CAST: variants seen among roughly 807,000 people sequenced by gnomAD.
CAST encodes the protein MIR583 host.
A neutral mutation model predicts 119.6 loss-of-function variants in CAST; 76 were observed. That is an observed-to-expected ratio of 0.64 (90% CI 0.53 to 0.77). CAST has a LOEUF of 0.77. CAST is among the 30% of genes least tolerant of loss of function. CAST has a pLI of 0.00. For synonymous variants in CAST, 319 were observed against 331.6 expected, an observed-to-expected ratio of 0.96 and a Z score of 0.41; for missense variants, 953 against 946.5, an observed-to-expected ratio of 1.01 and a Z score of -0.09.
the CAST span, among the ~76,000 whole-genome samples, chr5:96,121,319 A>T: frequency 1.3e-5 from 2 of 152,146 alleles, no homozygotes; most frequent in African/African-American, 4.8e-5. Flanking sequence ...CAGAATAGGC[A>T]CATAATAAAT....
intron 16 of CAST, 39 bp downstream of exon 16, chr5:96,742,795 T>C (rs1230447589): frequency 7.0e-7 from 1 of 1,421,262 alleles, no homozygotes; most frequent in East Asian, 2.3e-5. Context: ...CTTGTTAGTC[T>C]GCACATTACA....
At chr5:95,979,395 T>A in the CAST span, among the ~76,000 whole-genome samples, 35 of 152,278 alleles carry the variant, frequency 2.3e-4, no homozygotes, top group African/African-American at 8.2e-4. Context: ...CAGTTACACA[T>A]GACATATGCT....
chr5:96,433,468 C>G, the CAST span, among the ~76,000 whole-genome samples: 2 of 152,162 alleles, frequency 1.3e-5, no homozygotes, highest in African/African-American at 2.4e-5. Context: ...AATTCTGTAC[C>G]GTGAGAAACA....
the CAST span, among the ~76,000 whole-genome samples, chr5:96,496,234 A>G: frequency 6.6e-6 from 1 of 152,128 alleles, no homozygotes; most frequent in African/African-American, 2.4e-5. Flanking sequence ...TAATTTTATC[A>G]TATTTTGTTG....
chr5:96,119,664 A>G, the CAST span, among the ~76,000 whole-genome samples: 2 of 152,214 alleles, frequency 1.3e-5, no homozygotes, highest in East Asian at 1.9e-4. Flanking sequence ...TTAAGATGAC[A>G]TATTTGAACC....
At chr5:96,333,518 G>A in the CAST span, among the ~76,000 whole-genome samples, 119 of 152,008 alleles carry the variant, frequency 7.8e-4, 2 homozygotes, top group South Asian at 0.014. Context: ...TGGTCTTCCC[G>A]ACTGAAACCA....
rs1232687636 is a variant in CAST, at chr5:96,767,391, C to A, written c.2131-47C>A. The A allele has an allele frequency of 5.3e-6, 8 of 1,512,848 alleles. No individual in the cohort carries two copies. In the South Asian group the frequency reaches 7.9e-5, roughly 15 times the overall value. The allele number at this position is 1,512,848 out of a possible 1,614,324, so 93.7% of individuals were successfully genotyped here. On this transcript the variant is annotated intron_variant, in intron 27 of 31. Coordinates refer to ENST00000675179, the MANE Select transcript of CAST (RefSeq NM_001750.7). ...TCTCTACTGCCTAAACCTAAGTAAA[C>A]CTTTACAGATATCTATGCTTAACCA...
intron 1 of CAST, among the ~76,000 whole-genome samples, chr5:96,535,030 A>C (rs1745781142): frequency 6.6e-6 from 1 of 152,192 alleles, no homozygotes; most frequent in South Asian, 2.1e-4. Context: ...CAATAATGTA[A>C]ACATTTCATT....
chr5:96,506,416 A>G, the CAST span, among the ~76,000 whole-genome samples: 1 of 152,252 alleles, frequency 6.6e-6, no homozygotes, highest in African/African-American at 2.4e-5. Context: ...ATCCCTTACT[A>G]TAAGAGTATT....
the CAST span, among the ~76,000 whole-genome samples, chr5:96,518,657 G>A: frequency 5.9e-5 from 9 of 152,242 alleles, no homozygotes; most frequent in East Asian, 1.7e-3. Flanking sequence ...TTTGTTTGGG[G>A]CCAACCAACC....
chr5:96,569,834 C>T (rs146925284), intron 1 of CAST, among the ~76,000 whole-genome samples: 110 of 152,282 alleles, frequency 7.2e-4, no homozygotes, highest in African/African-American at 2.6e-3. Flanking sequence ...TGCCTGCCTT[C>T]CCTCTTATAT....
At chr5:96,475,903 C>T in the CAST span, among the ~76,000 whole-genome samples, 52 of 152,298 alleles carry the variant, frequency 3.4e-4, no homozygotes, top group Non-Finnish European at 5.9e-5. Flanking sequence ...CCAGCCATAT[C>T]ACAGAAGAGA....
chr5:96,699,723 T>C (rs143344992), intron 3 of CAST, among the ~76,000 whole-genome samples: 105 of 152,318 alleles, frequency 6.9e-4, no homozygotes, highest in Non-Finnish European at 1.0e-3. Flanking sequence ...GTGTGAGTCT[T>C]CTGGATCCTA....
At chr5:95,974,443 G>A in the CAST span, among the ~76,000 whole-genome samples, 1 of 152,178 alleles carries the variant, frequency 6.6e-6, no homozygotes, top group African/African-American at 2.4e-5. Context: ...TCAAGTGTTT[G>A]TACCAGCTAT....
intron 14 of CAST, 50 bp from the exon 15 acceptor site, chr5:96,741,444 G>C: frequency 2.0e-6 from 3 of 1,519,508 alleles, no homozygotes; most frequent in African/African-American, 1.4e-5. Flanking sequence ...GGCTATTACA[G>C]TTAAACTTTC....
chr5:96,476,791 CCA>C, the CAST span, among the ~76,000 whole-genome samples: 1 of 151,912 alleles, frequency 6.6e-6, no homozygotes, highest in African/African-American at 2.4e-5. Flanking sequence ...TCTCATCCTC[CCA>C]AACACACACA....
At chr5:96,447,461 C>T in the CAST span, among the ~76,000 whole-genome samples, 3 of 152,212 alleles carry the variant, frequency 2.0e-5, no homozygotes, top group South Asian at 6.2e-4. Context: ...TGCACACACA[C>T]TCATCCACAT....
chr5:96,307,398 T>G, the CAST span, among the ~76,000 whole-genome samples: 1 of 152,234 alleles, frequency 6.6e-6, no homozygotes, highest in Non-Finnish European at 1.5e-5. Context: ...GTCTTGACTC[T>G]TCAACAAGTT....
Position 96,700,830 on chromosome 5 carries a change from T to C in CAST, c.210+4923T>C, listed in dbSNP as rs542993012. On this transcript the variant is annotated intron_variant, in intron 3 of 31. Transcript: ENST00000675179. ...GCAGGAAGGACACCCTCAGGGATTG[T>C]GATGGCCACAGCACAGCAGTGGAAC... is the stretch of plus-strand genomic sequence containing the variant. 2.0e-5 allele frequency among the ~76,000 whole-genome samples: 3 copies of C among 152,252 alleles called. No homozygotes were observed. The East Asian group carries it at 5.8e-4, about 29-fold the overall frequency.
Sources: allele counts gnomAD v4.1 joint callset (sites outside exome capture counted in the v4.1 genomes callset), GRCh38; gene constraint gnomAD v4.1.1; transcripts MANE v1.5; gene names NCBI Gene and HGNC (gene_info 2026-07-23, HGNC 2026-07-21).